The following CLEC2D variants were observed in gnomAD, a reference collection of about 807,000 sequenced individuals.
CLEC2D encodes C-type lectin domain family 2 member D, also known as C-type lectin related f.
A neutral mutation model predicts 20.0 loss-of-function variants in CLEC2D; 16 were observed. That is an observed-to-expected ratio of 0.80 (90% CI 0.54 to 1.22). The LOEUF is 1.22. Among genes scored for constraint, CLEC2D ranks in the 50% most tolerant of loss-of-function variants. The pLI is 0.00. For synonymous variants in CLEC2D, 77 were observed against 71.1 expected, an observed-to-expected ratio of 1.08 and a Z score of -0.42; for missense variants, 207 against 221.5, an observed-to-expected ratio of 0.93 and a Z score of 0.42.
chr12:9,687,863 A>G (rs767136024), intron 2 of CLEC2D, 39 bp from the exon 3 acceptor site: 2 of 1,293,854 alleles, frequency 1.5e-6, no homozygotes, highest in East Asian at 2.8e-5. Flanking sequence ...ATATAAAAGT[A>G]AGAAATTTTT....
rs139477911 is a variant in CLEC2D at position 9,695,410 on chromosome 12, G to A, written c.*536G>A. On this transcript the variant is annotated 3_prime_UTR_variant, in exon 5 of 5. Transcript: ENST00000290855. ...TGGAAGATTCGATGGACATGGACATGAGCCCCCTGAGGCCCCAGAACTATC... is the reference window on the plus strand; with the variant it reads ...TGGAAGATTCGATGGACATGGACATAAGCCCCCTGAGGCCCCAGAACTATC... 1.3e-6 allele frequency: 2 copies of A among 1,484,064 alleles called. No individual in the cohort carries two copies. Among genetic ancestry groups the A allele is most frequent in the East Asian group, 4.5e-5 (2 of 44,466 alleles). The allele number at this position is 1,484,064 out of a possible 1,614,324, so 91.9% of individuals were successfully genotyped here.
chr12:9,686,191 C>T (rs1865745392), intron 2 of CLEC2D, among the ~76,000 whole-genome samples: 1 of 151,756 alleles, frequency 6.6e-6, no homozygotes, highest in African/African-American at 2.4e-5. Context: ...CTTGTGTAAC[C>T]AGTCCCAGTG....
rs1409416717 is a variant in CLEC2D, at chr12:9,695,932, A to G, written c.*1058A>G. On this transcript the variant is annotated 3_prime_UTR_variant, in exon 5 of 5. Coordinates refer to ENST00000290855, the MANE Select transcript of CLEC2D (RefSeq NM_013269.6). ...AGAAAAAGCGCCAGTGAAGAAATCT[A>G]TACGAGATACTCCAGCCAAAAATGC... 9.6e-6 allele frequency: 14 copies of G among 1,454,854 alleles called. No homozygotes were observed. The highest frequency in any genetic ancestry group is 3.4e-5 in the Admixed American group (2 of 59,612). 90.1% of individuals were successfully genotyped at this position (1,454,854 alleles called of 1,614,324 possible).
chr12:9,686,041 T>A (rs1403569500), intron 2 of CLEC2D, among the ~76,000 whole-genome samples: 1 of 152,062 alleles, frequency 6.6e-6, no homozygotes, highest in Non-Finnish European at 1.5e-5. Flanking sequence ...AAAAGCGTAG[T>A]ATCTGGGCCA....
At position 9,692,927 on chromosome 12, in the gene CLEC2D, A is replaced by C; in HGVS notation, c.457A>C (p.Arg153=). 1 of 1,612,470 alleles carries C rather than the reference A, an allele frequency of 6.2e-7. No individual in the cohort carries two copies. ...WKWINGTEWT[R]QFPILGAGEC... ...ATGGATAAATGGTACTGAATGGACA[A>C]GACAGTAAGTTCTAAAAATCTGGCA... Residue 153 remains arginine, a synonymous_variant, in exon 4 of 5, where the codon AGA becomes CGA. Coordinates refer to ENST00000290855, the MANE Select transcript of CLEC2D (RefSeq NM_013269.6).
At chr12:9,693,154 C>A (rs1448538075) in intron 4 of CLEC2D, 1 of 1,411,070 alleles carries the variant, frequency 7.1e-7, no homozygotes, top group South Asian at 1.2e-5. Flanking sequence ...CCAGGCTTAT[C>A]TATGTCATTT....
chr12:9,669,862 T>G, intron 1 of CLEC2D, 67 bp downstream of exon 1: 1 of 1,280,160 alleles, frequency 7.8e-7, no homozygotes. Context: ...AGTGATGGGC[T>G]CACACAGGAA....
chr12:9,689,739 A>C (rs761287365), intron 3 of CLEC2D, among the ~76,000 whole-genome samples: 30 of 152,272 alleles, frequency 2.0e-4, no homozygotes, highest in African/African-American at 7.0e-4. Context: ...TTAAAAACTC[A>C]ATGAAGAAGT....
intron 2 of CLEC2D, among the ~76,000 whole-genome samples, chr12:9,686,445 T>A (rs942018763): frequency 6.6e-6 from 1 of 152,150 alleles, no homozygotes; most frequent in Admixed American, 6.5e-5. Flanking sequence ...TAATTTGGTA[T>A]CACCTTGTTT....
intron 1 of CLEC2D, chr12:9,674,035 C>T (rs949138280): frequency 6.6e-6 from 1 of 152,374 alleles, no homozygotes; most frequent in Admixed American, 6.5e-5. Flanking sequence ...GGGAGTAGAA[C>T]CTACTGATTG....
rs1198991262 is a variant in CLEC2D at position 9,683,329 on chromosome 12, GTGTTTGTTTT to G, written c.172+2298_172+2307del. On this transcript the variant is annotated intron_variant, in intron 2 of 4. Transcript: ENST00000290855. Reference sequence around the variant, plus strand: ...TCACTCTGATGATAGTTTGTTTTTTGTGTTTGTTTTTTTTTTTTTTTTTTTGTGCAGAAGC... The same window carrying G: ...TCACTCTGATGATAGTTTGTTTTTTGTTTTTTTTTTTTTTTGTGCAGAAGC... 4.7e-3 allele frequency among the ~76,000 whole-genome samples: 391 copies of G among 83,754 alleles called. 3 individuals are homozygous for G. Among genetic ancestry groups the G allele is most frequent in the African/African-American group, 1.0e-2 (176 of 17,602 alleles). The allele number at this position is 83,754 out of a possible 152,430, so 54.9% of individuals were successfully genotyped here. A position where few individuals can be genotyped will look rare whatever the true frequency, so the allele number is the denominator to read the frequency against.
At chr12:9,693,780 C>A (rs1321305332) in intron 4 of CLEC2D, 1 of 437,054 alleles carries the variant, frequency 2.3e-6, no homozygotes, top group Non-Finnish European at 4.5e-6. Context: ...TAAATTTTCT[C>A]TACCTAATTC....
At chr12:9,694,712 G>A (rs1308020150) in intron 4 of CLEC2D, 48 bp from the exon 5 acceptor site, 1 of 960,880 alleles carries the variant, frequency 1.0e-6, no homozygotes, top group Admixed American at 1.7e-5. Flanking sequence ...TCTCTCTGCT[G>A]TTGAAGAAAT....
intron 1 of CLEC2D, chr12:9,674,184 G>A (rs1434443332): frequency 6.6e-6 from 1 of 152,286 alleles, no homozygotes; most frequent in East Asian, 1.9e-4. Flanking sequence ...AGCCACCAAT[G>A]GGAGTGGCTG....
chr12:9,695,779 G>T lies in CLEC2D; in HGVS notation c.*905G>T. ...GTCAGAAGATGAAGAAGAGGAGGAT[G>T]TGAAACTCTTAAGTATATCTGGAAA... On this transcript the variant is annotated 3_prime_UTR_variant, in exon 5 of 5. Transcript: ENST00000290855. The T allele has an allele frequency of 7.4e-7, 1 of 1,354,290 alleles. No homozygotes were observed. The highest frequency in any genetic ancestry group is 1.4e-5 in the African/African-American group (1 of 70,022). 83.9% of individuals were successfully genotyped at this position (1,354,290 alleles called of 1,614,324 possible). A position where few individuals can be genotyped will look rare whatever the true frequency, so the allele number is the denominator to read the frequency against.
At chr12:9,680,792 A>T (rs1565466241) in intron 1 of CLEC2D, 131 bp from the exon 2 acceptor site, 1 of 559,338 alleles carries the variant, frequency 1.8e-6, no homozygotes, top group South Asian at 2.5e-5. Flanking sequence ...AGTTCATAAG[A>T]TGACAGGTCA....
At chr12:9,685,347 C>T (rs909467327) in intron 2 of CLEC2D, among the ~76,000 whole-genome samples, 1 of 152,312 alleles carries the variant, frequency 6.6e-6, no homozygotes, top group Admixed American at 6.5e-5. Flanking sequence ...CAGTCTTTCC[C>T]TCAGAAGAGC....
chr12:9,682,643 T>C (rs1865659575), intron 2 of CLEC2D, among the ~76,000 whole-genome samples: 1 of 152,228 alleles, frequency 6.6e-6, no homozygotes, highest in Non-Finnish European at 1.5e-5. Context: ...CCTGTGTTAG[T>C]TTGATGAGAA....
intron 2 of CLEC2D, among the ~76,000 whole-genome samples, chr12:9,683,323 TTTTTTGTGTTTG>T (rs201496033): frequency 0.46 from 30,353 of 66,062 alleles, 4,951 homozygotes; most frequent in East Asian, 0.64. Context: ...TGATAGTTTG[TTTTTTGTGTTTG>T]TTTTTTTTTT....
Sources: gnomAD v4.1 joint callset for allele counts (sites outside exome capture counted in the v4.1 genomes callset) on GRCh38, gnomAD v4.1.1 for gene constraint, MANE v1.5 for transcripts, NCBI Gene and HGNC (gene_info 2026-07-23, HGNC 2026-07-21) for gene names.